Variants in AAK1 observed in about 807,000 individuals in gnomAD.
The protein encoded by AAK1 is AP2 associated kinase 1.
Under a neutral mutation model 116.0 loss-of-function variants are expected in AAK1, and 37 were observed. That is an observed-to-expected ratio of 0.32 (90% CI 0.25 to 0.42). AAK1 has a LOEUF of 0.42. Among genes scored for constraint, AAK1 ranks in the 10% least tolerant of loss-of-function variants. AAK1 has a pLI of 1.00. For synonymous variants in AAK1, 458 were observed against 439.9 expected, an observed-to-expected ratio of 1.04 and a Z score of -0.51; for missense variants, 919 against 1,170.6, an observed-to-expected ratio of 0.79 and a Z score of 3.14.
intron 17 of AAK1, among the ~76,000 whole-genome samples, chr2:69,486,328 G>A (rs1441870384): frequency 6.6e-6 from 1 of 152,150 alleles, no homozygotes; most frequent in Non-Finnish European, 1.5e-5. Flanking sequence ...GTACATGAGT[G>A]TACACGTGTT....
intron 12 of AAK1, among the ~76,000 whole-genome samples, chr2:69,515,331 T>C (rs956266971): frequency 6.6e-6 from 1 of 152,172 alleles, no homozygotes; most frequent in African/African-American, 2.4e-5. Flanking sequence ...TCCTTTTGTT[T>C]GTTTGTTTGA....
chr2:69,614,428 G>A (rs1334451064), intron 2 of AAK1, among the ~76,000 whole-genome samples: 4 of 152,152 alleles, frequency 2.6e-5, no homozygotes, highest in African/African-American at 7.2e-5. Flanking sequence ...GTCCTGCCCC[G>A]TGGAGCTGGC....
chr2:69,521,168 G>C (rs1483671867), intron 10 of AAK1, among the ~76,000 whole-genome samples, 180 bp from the exon 11 acceptor site: 1 of 152,204 alleles, frequency 6.6e-6, no homozygotes, highest in Non-Finnish European at 1.5e-5. Context: ...AAGTAGGCTT[G>C]GTGGGCAAAT....
intron 2 of AAK1, among the ~76,000 whole-genome samples, chr2:69,623,598 G>C (rs1195891362): frequency 6.6e-6 from 1 of 152,158 alleles, no homozygotes; most frequent in Admixed American, 6.5e-5. Flanking sequence ...AGGACCGCTT[G>C]AGGTCAGGAG....
chr2:69,510,619 C>T (rs752569300), intron 13 of AAK1, among the ~76,000 whole-genome samples: 3 of 152,146 alleles, frequency 2.0e-5, no homozygotes, highest in African/African-American at 2.4e-5. Context: ...TGTGAAGAAT[C>T]GCCACACTGC....
At chr2:69,507,397 CA>C (rs1558919280) in intron 15 of AAK1, 23 bp downstream of exon 15, 2 of 1,606,094 alleles carry the variant, frequency 1.2e-6, no homozygotes, top group Non-Finnish European at 1.7e-6. Context: ...TCAAGAAGCA[CA>C]AAAAAAGACA....
At chr2:69,495,912 A>T in intron 17 of AAK1, 73 bp downstream of exon 17, 1 of 1,259,620 alleles carries the variant, frequency 7.9e-7, no homozygotes. Context: ...GGGGTATTTA[A>T]GGCAGAACTT....
rs929948486 is a variant in AAK1, at chr2:69,619,090, T to C, written c.163+23788A>G. ...TCACACCTCCCCAACCTTGAATCAA[T>C]GCTAAATCCACCTGCTCTGTTCCTA... On this transcript the variant is annotated intron_variant, in intron 2 of 21. Coordinates refer to ENST00000409085, the MANE Select transcript of AAK1 (RefSeq NM_014911.5). Among the ~76,000 whole-genome samples the C allele has an allele frequency of 9.8e-5, 15 of 152,314 alleles. 1 individual carries two copies. The highest frequency in any genetic ancestry group is 9.2e-4 in the Admixed American group (14 of 15,294).
At chr2:69,523,084 A>G (rs1303212894) in intron 10 of AAK1, among the ~76,000 whole-genome samples, 1 of 152,228 alleles carries the variant, frequency 6.6e-6, no homozygotes, top group African/African-American at 2.4e-5. Flanking sequence ...GTGAACATCA[A>G]ATGTTATCAG....
intron 2 of AAK1, among the ~76,000 whole-genome samples, chr2:69,585,568 G>A (rs563803738): frequency 2.0e-5 from 3 of 152,208 alleles, no homozygotes; most frequent in South Asian, 2.1e-4. Flanking sequence ...AATACCTAAC[G>A]CTACCCTCCT....
At chr2:69,533,680 A>G (rs1670349473) in intron 5 of AAK1, among the ~76,000 whole-genome samples, 1 of 152,180 alleles carries the variant, frequency 6.6e-6, no homozygotes. Context: ...ATCTGGGTTT[A>G]AAGTCTATTG....
chr2:69,537,420 C>T (rs1051305387), intron 5 of AAK1, among the ~76,000 whole-genome samples: 3 of 152,212 alleles, frequency 2.0e-5, no homozygotes, highest in African/African-American at 4.8e-5. Flanking sequence ...TTCCTCAGTT[C>T]TGCATGTGAA....
chr2:69,519,117 G>A lies in AAK1; in HGVS notation c.1334C>T (p.Thr445Met), dbSNP rs376087475. ...QPQAPPTPQQ[T>M]PSTQAQGLPA... ...CAGACCCTGGGCCTGAGTAGAAGGC[G>A]TCTGCTGTGGAGTGGGAGGAGCCTG... is the stretch of plus-strand genomic sequence containing the variant. Residue 445 changes from threonine to methionine, a missense_variant, in exon 12 of 22, where the codon ACG (threonine) becomes ATG (methionine). Physicochemically the swap from Thr to Met is moderately conservative, Grantham distance 81. Around this residue, in one of 4 missense-constraint regions of AAK1, gnomAD observed 214 missense variants for 210.6 expected, o/e 1.02. Transcript: ENST00000409085. The A allele has an allele frequency of 9.6e-6, 15 of 1,557,536 alleles. No individual in the cohort carries two copies. The highest frequency in any genetic ancestry group is 5.9e-5 in the South Asian group (5 of 84,418).
chr2:69,481,060 C>A, intron 18 of AAK1, 99 bp from the exon 19 acceptor site: 2 of 1,080,496 alleles, frequency 1.9e-6, no homozygotes, highest in Non-Finnish European at 1.3e-6. Context: ...TTTTTTAATT[C>A]TCATTTTTTG....
At chr2:69,547,818 A>G (rs1028611467) in intron 3 of AAK1, among the ~76,000 whole-genome samples, 2 of 152,356 alleles carry the variant, frequency 1.3e-5, no homozygotes, top group Admixed American at 6.5e-5. Context: ...ACAATAGCCA[A>G]AATGTGAAAA....
chr2:69,575,281 G>GA (rs1411336217), intron 2 of AAK1, among the ~76,000 whole-genome samples: 1 of 150,414 alleles, frequency 6.6e-6, no homozygotes, highest in African/African-American at 2.4e-5. Flanking sequence ...TATGTGAGGG[G>GA]AAAACTTCCT....
In AAK1 at chr2:69,476,868, C is replaced by T; in HGVS notation, c.2791+12G>A. ...GGCCAAGCTCTTCTCTTTTCCCCAT[C>T]CTTTTTCTTACCTTGTGGGTTTTTG... On this transcript the variant is annotated intron_variant, in intron 21 of 21. Transcript: ENST00000409085. 1 of 1,601,688 alleles carries T rather than the reference C, an allele frequency of 6.2e-7. No homozygotes were observed. Among genetic ancestry groups the T allele is most frequent in the Non-Finnish European group, 8.5e-7 (1 of 1,169,938 alleles).
At chr2:69,621,207 C>T (rs180841525) in intron 2 of AAK1, among the ~76,000 whole-genome samples, 4 of 152,248 alleles carry the variant, frequency 2.6e-5, no homozygotes, top group Admixed American at 6.5e-5. Flanking sequence ...TTTGGTTGCG[C>T]GTGGTGGCTT....
intron 17 of AAK1, among the ~76,000 whole-genome samples, chr2:69,491,148 T>C (rs1255806499): frequency 3.3e-5 from 5 of 152,092 alleles, no homozygotes; most frequent in African/African-American, 1.2e-4. Context: ...TCTCACCACG[T>C]TGCCCAGGCT....
Sources: allele counts gnomAD v4.1 joint callset (sites outside exome capture counted in the v4.1 genomes callset), GRCh38; gene constraint gnomAD v4.1.1; regional missense constraint gnomAD v4.1.1; transcripts MANE v1.5; gene names NCBI Gene and HGNC (gene_info 2026-07-23, HGNC 2026-07-21).